PGGT1B: variants seen among roughly 807,000 people sequenced by gnomAD.
The protein encoded by PGGT1B is protein geranylgeranyltransferase type I subunit beta, also known as geranylgeranyl transferase type-1 subunit beta.
In PGGT1B, 30 loss-of-function variants were observed where a neutral mutation model predicts 46.1. The observed-to-expected ratio is 0.65, with a 90% CI of 0.49 to 0.88. The LOEUF (loss-of-function observed/expected upper bound fraction) is 0.88. PGGT1B is among the 40% of genes least tolerant of loss of function. The probability of loss-of-function intolerance (pLI) is 0.00; values close to 1 mark genes in which losing one functional copy is unlikely to be tolerated. For synonymous variants in PGGT1B, 170 were observed against 160.0 expected, an observed-to-expected ratio of 1.06 and a Z score of -0.47; for missense variants, 376 against 455.9, an observed-to-expected ratio of 0.82 and a Z score of 1.60.
chr5:115,237,779 T>C, intron 4 of PGGT1B, 79 bp downstream of exon 4: 1 of 1,174,284 alleles, frequency 8.5e-7, no homozygotes, highest in Non-Finnish European at 1.2e-6. Context: ...TCTAAAGATC[T>C]AGTATAGTAC....
chr5:115,226,943 G>A (rs75970194), intron 6 of PGGT1B, among the ~76,000 whole-genome samples: 36 of 152,034 alleles, frequency 2.4e-4, no homozygotes, highest in African/African-American at 8.4e-4. Flanking sequence ...AGAGAAACAA[G>A]CAGAAGCAAG....
chr5:115,223,747 T>C (rs1756666728), intron 6 of PGGT1B, among the ~76,000 whole-genome samples: 1 of 152,198 alleles, frequency 6.6e-6, no homozygotes, highest in South Asian at 2.1e-4. Context: ...AAAGGTACTT[T>C]CCTCAGGAAA....
chr5:115,256,322 C>A (rs1206587665), intron 1 of PGGT1B, among the ~76,000 whole-genome samples: 2 of 152,180 alleles, frequency 1.3e-5, no homozygotes, highest in African/African-American at 2.4e-5. Context: ...AGGTCATACT[C>A]TTATCTGTAT....
chr5:115,255,907 T>C (rs141992975), intron 1 of PGGT1B, among the ~76,000 whole-genome samples: 20 of 152,270 alleles, frequency 1.3e-4, no homozygotes, highest in Non-Finnish European at 2.5e-4. Context: ...AGAATCTGCT[T>C]AAAAACTGCT....
chr5:115,258,312 C>G (rs547383776), intron 1 of PGGT1B, among the ~76,000 whole-genome samples: 1 of 152,262 alleles, frequency 6.6e-6, no homozygotes, highest in East Asian at 1.9e-4. Flanking sequence ...TTTCTTCATC[C>G]CCTCTTTTCT....
At position 115,210,045 on chromosome 5, in the gene PGGT1B, T is replaced by C. The variant is rs1013205587; in HGVS notation, c.*2357A>G. On this transcript the variant is annotated 3_prime_UTR_variant, in exon 9 of 9. Coordinates refer to ENST00000419445, the MANE Select transcript of PGGT1B (RefSeq NM_005023.4). Reference sequence around the variant, plus strand: ...TTTCTATATGAATTTAGATTAAATATAAATAACTAAAGATCTAATAACACA... The same window carrying C: ...TTTCTATATGAATTTAGATTAAATACAAATAACTAAAGATCTAATAACACA... 6 of 152,222 alleles carry C rather than the reference T, an allele frequency of 3.9e-5. No individual in the cohort carries two copies. The highest frequency in any genetic ancestry group is 1.4e-4 in the African/African-American group (6 of 41,550). 9.4% of individuals were successfully genotyped at this position (152,222 alleles called of 1,614,324 possible). A position where few individuals can be genotyped will look rare whatever the true frequency, so the allele number is the denominator to read the frequency against.
intron 1 of PGGT1B, among the ~76,000 whole-genome samples, chr5:115,254,142 T>G (rs990822828): frequency 6.6e-6 from 1 of 152,046 alleles, no homozygotes; most frequent in Non-Finnish European, 1.5e-5. Flanking sequence ...TTCTAAGAAA[T>G]AGTTAAGCCT....
chr5:115,216,854 A>G lies in PGGT1B; in HGVS notation c.952+11T>C, dbSNP rs756701161. 5 of 1,360,992 alleles carry G rather than the reference A, an allele frequency of 3.7e-6. No individual in the cohort carries two copies. Among genetic ancestry groups the G allele is most frequent in the Non-Finnish European group, 5.2e-6 (5 of 953,248 alleles). The allele number at this position is 1,360,992 out of a possible 1,614,324, so 84.3% of individuals were successfully genotyped here. The stretch of plus-strand genomic sequence containing the variant: ...ATAAAGGTTGTTCTGATTCACAAAG[A>G]AAATAATTACCTGGATGACTGTCTG... On this transcript the variant is annotated intron_variant, in intron 8 of 8. Coordinates refer to ENST00000419445, the MANE Select transcript of PGGT1B (RefSeq NM_005023.4).
At chr5:115,245,967 A>G (rs1250458502) in intron 2 of PGGT1B, among the ~76,000 whole-genome samples, 1 of 152,224 alleles carries the variant, frequency 6.6e-6, no homozygotes, top group Non-Finnish European at 1.5e-5. Flanking sequence ...AAAATTACTC[A>G]TTTACTAAAT....
chr5:115,230,978 T>C lies in PGGT1B; in HGVS notation c.656A>G (p.His219Arg). The change falls in exon 6 of 9, where the codon CAT becomes CGT. Residue 219 changes from histidine (H) to arginine (R), a missense_variant and splice_region_variant. Physicochemically the swap from His to Arg is conservative, Grantham distance 29. This residue lies in a region of PGGT1B where 222 missense variants were observed against 313.6 expected (regional missense o/e 0.71). Coordinates refer to ENST00000419445, the MANE Select transcript of PGGT1B (RefSeq NM_005023.4). Reference sequence around the variant, plus strand: ...TTCACTTATTTAAGATGTCTTACCATGAGATTCAAGTCCAGCTCCCTGTGC... The same window carrying C: ...TTCACTTATTTAAGATGTCTTACCACGAGATTCAAGTCCAGCTCCCTGTGC... ...GLAQGAGLESHGGSTFCGIAS... is the reference protein window; with the variant it reads ...GLAQGAGLESRGGSTFCGIAS... 1 of 1,554,330 alleles carries C rather than the reference T, an allele frequency of 6.4e-7. No individual in the cohort carries two copies. The highest frequency in any genetic ancestry group is 8.8e-7 in the Non-Finnish European group (1 of 1,132,798).
chr5:115,246,686 C>A (rs909229550), intron 2 of PGGT1B, among the ~76,000 whole-genome samples: 2 of 152,150 alleles, frequency 1.3e-5, no homozygotes, highest in Non-Finnish European at 2.9e-5. Context: ...ATGCCTCTTG[C>A]ATCTCCCCTC....
chr5:115,254,288 C>A (rs1207666048), intron 1 of PGGT1B, among the ~76,000 whole-genome samples: 4 of 151,926 alleles, frequency 2.6e-5, no homozygotes. Context: ...TTTCAGATTT[C>A]AGATTTTTTT....
Position 115,241,565 on chromosome 5 carries a change from G to C in PGGT1B, c.301C>G (p.Leu101Val). The part of the protein sequence containing the change: ...NRCGFRGSSY[L>V]GIPFNPSKAP... ...TTTGATGGATTGAACGGAATACCCA[G>C]GTATGAAGAGCCTCGGAAACCACAG... Residue 101 changes from leucine to valine, a missense_variant, in exon 3 of 9, where the codon CTG (leucine) becomes GTG (valine). Leu to Val is a conservative substitution (Grantham distance 32). This residue lies in a region of PGGT1B where 154 missense variants were observed against 142.3 expected (regional missense o/e 1.08). Transcript: ENST00000419445. 5.6e-6 allele frequency: 9 copies of C among 1,607,730 alleles called. No individual in the cohort carries two copies. The highest frequency in any genetic ancestry group is 7.6e-6 in the Non-Finnish European group (9 of 1,176,654).
In PGGT1B at chr5:115,233,546, A is replaced by G. The variant is rs534576678; in HGVS notation, c.613-2525T>C. ...ATTCCTAAAAAGAAAAAAAAGAAGG[A>G]AAAAAAAAAAAAGCAAATGCAAAAT... On this transcript the variant is annotated intron_variant, in intron 5 of 8. Coordinates refer to ENST00000419445, the MANE Select transcript of PGGT1B (RefSeq NM_005023.4). 1.6e-3 allele frequency among the ~76,000 whole-genome samples: 112 copies of G among 69,420 alleles called. 1 individual carries two copies. The East Asian group carries it at 0.024, about 15-fold the overall frequency. 45.5% of individuals were successfully genotyped at this position (69,420 alleles called of 152,430 possible).
chr5:115,239,297 T>A (rs953397493), intron 3 of PGGT1B, among the ~76,000 whole-genome samples: 3 of 152,032 alleles, frequency 2.0e-5, no homozygotes, highest in African/African-American at 7.2e-5. Flanking sequence ...ATCCTCCTCA[T>A]CCTCCCAAAG....
At chr5:115,256,718 A>C (rs982336624) in intron 1 of PGGT1B, among the ~76,000 whole-genome samples, 6 of 152,216 alleles carry the variant, frequency 3.9e-5, no homozygotes, top group Non-Finnish European at 5.9e-5. Context: ...GAGAGAATTA[A>C]AACAAGCCAC....
Position 115,242,365 on chromosome 5 carries a change from TAAC to T in PGGT1B, c.260-762_260-760del, listed in dbSNP as rs1030331394. ...AAATCAGTATGATAGATGCAGAAAA[TAAC>T]AATGCAGTATCAGCAGACTGTAAAT... On this transcript the variant is annotated intron_variant, in intron 2 of 8. Coordinates refer to ENST00000419445, the MANE Select transcript of PGGT1B (RefSeq NM_005023.4). Among the ~76,000 whole-genome samples, 11 of 152,148 alleles carry T rather than the reference TAAC, an allele frequency of 7.2e-5. 1 individual carries two copies. The highest frequency in any genetic ancestry group is 2.0e-4 in the Admixed American group (3 of 15,294).
chr5:115,210,013 A>C lies in PGGT1B; in HGVS notation c.*2389T>G, dbSNP rs931458361. The C allele has an allele frequency of 6.6e-6, 1 of 152,156 alleles. No homozygotes were observed. Among genetic ancestry groups the C allele is most frequent in the African/African-American group, 2.4e-5 (1 of 41,460 alleles). 9.4% of individuals were successfully genotyped at this position (152,156 alleles called of 1,614,324 possible). A position where few individuals can be genotyped will look rare whatever the true frequency, so the allele number is the denominator to read the frequency against. On this transcript the variant is annotated 3_prime_UTR_variant, in exon 9 of 9. Transcript: ENST00000419445. ...AGTTTTCAAATTATATACCACTGTC[A>C]GCAAGATTTCTATATGAATTTAGAT... is the stretch of plus-strand genomic sequence containing the variant.
rs1748114215 is a variant in PGGT1B, at chr5:115,251,796, T to C, written c.259+1341A>G. The stretch of plus-strand genomic sequence containing the variant: ...GATTTCCTATCTGTACCATGTAAGA[T>C]ACATTTCTTTAAAAACCGGGCATGT... On this transcript the variant is annotated intron_variant, in intron 2 of 8. Transcript: ENST00000419445. Among the ~76,000 whole-genome samples the C allele has an allele frequency of 2.0e-5, 3 of 152,016 alleles. No individual in the cohort carries two copies. The South Asian group carries it at 6.2e-4, about 31-fold the overall frequency.
Sources: allele counts gnomAD v4.1 joint callset (sites outside exome capture counted in the v4.1 genomes callset), GRCh38; gene constraint gnomAD v4.1.1; regional missense constraint gnomAD v4.1.1; transcripts MANE v1.5; gene names NCBI Gene and HGNC (gene_info 2026-07-23, HGNC 2026-07-21).